The following PHACTR2 variants were observed in gnomAD, a reference collection of about 807,000 sequenced individuals.
The protein encoded by PHACTR2 is phosphatase and actin regulator 2.
PHACTR2 carries 30 observed loss-of-function variants against 76.0 expected under a neutral mutation model. The ratio of observed to expected loss-of-function variants is 0.39; its 90% CI spans 0.30 to 0.54. The LOEUF (loss-of-function observed/expected upper bound fraction) is 0.54, where lower values mean the gene tolerates loss of function less well. Ranked by LOEUF, PHACTR2 falls within the 20% of genes least tolerant of loss-of-function variation. The pLI is 0.61. For missense variants in PHACTR2, 696 were observed against 781.1 expected (o/e 0.89, Z 1.30); for synonymous variants, 292 against 292.5 (o/e 1.00, Z 0.02).
At chr6:143,573,576 CTTTTT>C (rs112507286) in intron 1 of PHACTR2, among the ~76,000 whole-genome samples, 6 of 149,982 alleles carry the variant, frequency 4.0e-5, no homozygotes, top group East Asian at 3.9e-4. Flanking sequence ...TCTTTCCCTC[CTTTTT>C]TTTTTTTTCT....
rs1778709380 is a variant in PHACTR2 at position 143,731,993 on chromosome 6, T to C, written c.215-16992T>C. On this transcript the variant is annotated intron_variant, in intron 2 of 12. Coordinates refer to ENST00000440869, the MANE Select transcript of PHACTR2 (RefSeq NM_001100164.2). This position sits in a 1 kb window ranked among gnomAD's most constrained non-coding sequence, Gnocchi z 4.9. ...GGAAAAGAAAGTGAAACTTTTCCTC[T>C]AGATTTCTTTATGGTTAACCAACTG... 6.6e-6 allele frequency among the ~76,000 whole-genome samples: 1 copy of C among 152,228 alleles called. No individual in the cohort carries two copies. Among genetic ancestry groups the C allele is most frequent in the African/African-American group, 2.4e-5 (1 of 41,456 alleles).
At chr6:143,586,126 G>C (rs1775627133) in intron 1 of PHACTR2, among the ~76,000 whole-genome samples, 3 of 152,228 alleles carry the variant, frequency 2.0e-5, no homozygotes, top group Non-Finnish European at 4.4e-5. Context: ...CATGAAGACA[G>C]ACGATCATCT....
In PHACTR2 at chr6:143,771,530, G is replaced by A. The variant is rs563814085; in HGVS notation, c.1233-728G>A. Among the ~76,000 whole-genome samples, 4 of 151,438 alleles carry A rather than the reference G, an allele frequency of 2.6e-5. 1 individual carries two copies. Among genetic ancestry groups the A allele is most frequent in the African/African-American group, 9.7e-5 (4 of 41,232 alleles). ...TGGCTCACTGCAACCTCCACCTCCC[G>A]GGTTCAAGCGATTCTCCTGCCTCAG... On this transcript the variant is annotated intron_variant, in intron 6 of 12. Transcript: ENST00000440869.
Position 143,801,746 on chromosome 6 carries a change from G to A in PHACTR2, c.1846-5311G>A, listed in dbSNP as rs745519836. On this transcript the variant is annotated intron_variant, in intron 11 of 12. Coordinates refer to ENST00000440869, the MANE Select transcript of PHACTR2 (RefSeq NM_001100164.2). This position sits in a 1 kb window ranked among gnomAD's most constrained non-coding sequence, Gnocchi z 4.6. ...CGTCCAGTTTTGTTCCCTTGCTGGC[G>A]AGGAGTTGTGATCCTTTGGAGGAGA... Among the ~76,000 whole-genome samples, 4 of 152,146 alleles carry A rather than the reference G, an allele frequency of 2.6e-5. No individual in the cohort carries two copies. The highest frequency in any genetic ancestry group is 5.9e-5 in the Non-Finnish European group (4 of 68,022).
rs919199371 is a variant in PHACTR2, at chr6:143,821,108, G to A, written c.1923-2566G>A. The stretch of plus-strand genomic sequence containing the variant: ...CAGCAGGGCCCTTGACCTGGCCCTC[G>A]AAAAAGTGAAAGAGTGATGTTGCCT... On this transcript the variant is annotated intron_variant, in intron 12 of 12. Coordinates refer to ENST00000440869, the MANE Select transcript of PHACTR2 (RefSeq NM_001100164.2). The surrounding 1 kb of genome is among the most constrained non-coding windows in gnomAD (Gnocchi z 5.2). Among the ~76,000 whole-genome samples the A allele has an allele frequency of 3.3e-5, 5 of 152,184 alleles. No individual in the cohort carries two copies. The highest frequency in any genetic ancestry group is 2.0e-4 in the Admixed American group (3 of 15,284).
Position 143,654,462 on chromosome 6 carries a change from C to T in PHACTR2, c.13+46140C>T, listed in dbSNP as rs748674821. On this transcript the variant is annotated intron_variant, in intron 1 of 11. Transcript: ENST00000305766. This position sits in a 1 kb window ranked among gnomAD's most constrained non-coding sequence, Gnocchi z 4.6. The stretch of plus-strand genomic sequence containing the variant: ...CAAATGTTCATCAAACTGATGAATT[C>T]GTAAATAAAATATACTATATCCACT... Among the ~76,000 whole-genome samples, 1 of 151,968 alleles carries T rather than the reference C, an allele frequency of 6.6e-6. No homozygotes were observed. The highest frequency in any genetic ancestry group is 1.5e-5 in the Non-Finnish European group (1 of 68,012).
chr6:143,551,091 T>A (rs1208046541), intron 1 of PHACTR2, among the ~76,000 whole-genome samples: 2 of 151,856 alleles, frequency 1.3e-5, no homozygotes, highest in Admixed American at 1.3e-4. Flanking sequence ...CACATTTTAT[T>A]CACAGAAAAC....
chr6:143,612,622 C>G (rs1775996037), intron 1 of PHACTR2, among the ~76,000 whole-genome samples: 1 of 152,074 alleles, frequency 6.6e-6, no homozygotes. Flanking sequence ...CACACACACA[C>G]ACGTACATAA....
Position 143,678,935 on chromosome 6 carries a change from T to C in PHACTR2, c.46+726T>C. On this transcript the variant is annotated intron_variant, in intron 1 of 12. Transcript: ENST00000440869. The surrounding 1 kb of genome is among the most constrained non-coding windows in gnomAD (Gnocchi z 6.2). Reference sequence around the variant, plus strand: ...TACGTCTGGCATTTCCCCGACAGTGTAGGGATAAAAAAAAAAAAAACTGTT... The same window carrying C: ...TACGTCTGGCATTTCCCCGACAGTGCAGGGATAAAAAAAAAAAAAACTGTT... 6.9e-6 allele frequency among the ~76,000 whole-genome samples: 1 copy of C among 145,940 alleles called. No individual in the cohort carries two copies. The highest frequency in any genetic ancestry group is 1.9e-4 in the East Asian group (1 of 5,164).
rs1776396887 is a variant in PHACTR2 at position 143,820,590 on chromosome 6, C to T, written c.1923-3084C>T. ...ACTCTGGTGTAAGTGGGCAGCTCTA[C>T]CCCTGTGGATTTGCAAGGTGCAGCC... is the stretch of plus-strand genomic sequence containing the variant. On this transcript the variant is annotated intron_variant, in intron 12 of 12. Transcript: ENST00000440869. This position sits in a 1 kb window ranked among gnomAD's most constrained non-coding sequence, Gnocchi z 4.2. Among the ~76,000 whole-genome samples, 1 of 152,244 alleles carries T rather than the reference C, an allele frequency of 6.6e-6. No homozygotes were observed. Among genetic ancestry groups the T allele is most frequent in the African/African-American group, 2.4e-5 (1 of 41,466 alleles).
chr6:143,584,959 C>T (rs1582684893), intron 1 of PHACTR2, among the ~76,000 whole-genome samples: 1 of 146,350 alleles, frequency 6.8e-6, no homozygotes, highest in Admixed American at 6.9e-5. Flanking sequence ...ACCCCAAGAC[C>T]CTGGCTGGTC....
rs1412366288 is a variant in PHACTR2 at position 143,743,450 on chromosome 6, C to T, written c.215-5535C>T. On this transcript the variant is annotated intron_variant, in intron 2 of 12. Coordinates refer to ENST00000440869, the MANE Select transcript of PHACTR2 (RefSeq NM_001100164.2). This position sits in a 1 kb window ranked among gnomAD's most constrained non-coding sequence, Gnocchi z 5.0. ...GCAGATAAACAAAAAAATCGCCAGA[C>T]CCCTGAGTGTTTTTAGGTGGGGATG... Among the ~76,000 whole-genome samples, 1 of 152,160 alleles carries T rather than the reference C, an allele frequency of 6.6e-6. No individual in the cohort carries two copies. The highest frequency in any genetic ancestry group is 1.5e-5 in the Non-Finnish European group (1 of 68,024).
At chr6:143,586,747 C>A (rs1775635325) in intron 1 of PHACTR2, among the ~76,000 whole-genome samples, 1 of 152,160 alleles carries the variant, frequency 6.6e-6, no homozygotes, top group Non-Finnish European at 1.5e-5. Flanking sequence ...GCGGTAACTC[C>A]CAGGTGTTGC....
chr6:143,606,766 G>A (rs904342801), upstream of PHACTR2, among the ~76,000 whole-genome samples: 1 of 151,988 alleles, frequency 6.6e-6, no homozygotes, highest in Non-Finnish European at 1.5e-5. Context: ...TCAGTCTTAC[G>A]GGATCCAAGC....
chr6:143,644,283 C>T (rs184620907), intron 1 of PHACTR2, among the ~76,000 whole-genome samples: 3 of 152,086 alleles, frequency 2.0e-5, no homozygotes, highest in East Asian at 1.9e-4. Context: ...CTGGCTAACA[C>T]GGTGAAACCC....
At position 143,809,596 on chromosome 6, in the gene PHACTR2, T is replaced by A. The variant is rs1776134935; in HGVS notation, c.1922+2463T>A. Among the ~76,000 whole-genome samples, 2 of 152,122 alleles carry A rather than the reference T, an allele frequency of 1.3e-5. No individual in the cohort carries two copies. Among genetic ancestry groups the A allele is most frequent in the Admixed American group, 1.3e-4 (2 of 15,282 alleles). On this transcript the variant is annotated intron_variant, in intron 12 of 12. Coordinates refer to ENST00000440869, the MANE Select transcript of PHACTR2 (RefSeq NM_001100164.2). The surrounding 1 kb of genome is among the most constrained non-coding windows in gnomAD (Gnocchi z 4.2). ...AATACAAAATTCTATTAAGTATAAA[T>A]GAAAAACCTTCACTCCTTTCCCAAC...
At chr6:143,651,734 A>G (rs189721844) in intron 1 of PHACTR2, among the ~76,000 whole-genome samples, 2 of 152,206 alleles carry the variant, frequency 1.3e-5, no homozygotes, top group African/African-American at 4.8e-5. Context: ...AAGAATAGCT[A>G]ATAGATGCTG....
In PHACTR2 at chr6:143,619,877, C is replaced by G. The variant is rs1776121226; in HGVS notation, c.13+11555C>G. On this transcript the variant is annotated intron_variant, in intron 1 of 11. Transcript: ENST00000305766. This position sits in a 1 kb window ranked among gnomAD's most constrained non-coding sequence, Gnocchi z 4.5. ...TATAAAGAGTGAAAATATCTTAGGT[C>G]CCCTGTGTGAGATTCTATAGTCTTC... 6.6e-6 allele frequency among the ~76,000 whole-genome samples: 1 copy of G among 152,114 alleles called. No homozygotes were observed. Among genetic ancestry groups the G allele is most frequent in the African/African-American group, 2.4e-5 (1 of 41,432 alleles).
At chr6:143,555,525 G>A (rs1442250403) in intron 1 of PHACTR2, among the ~76,000 whole-genome samples, 2 of 152,092 alleles carry the variant, frequency 1.3e-5, no homozygotes, top group East Asian at 1.9e-4. Context: ...GGAAAAAAAG[G>A]GGTCTTTGTG....
Sources: allele counts gnomAD v4.1 joint callset (sites outside exome capture counted in the v4.1 genomes callset), GRCh38; gene constraint gnomAD v4.1.1; non-coding constraint Gnocchi (gnomAD v3.1); transcripts MANE v1.5; gene names NCBI Gene and HGNC (gene_info 2026-07-23, HGNC 2026-07-21).